The following ANTXR1 variants were observed in gnomAD, a reference collection of about 807,000 sequenced individuals.
ANTXR1 encodes anthrax toxin receptor 1.
ANTXR1 carries 19 observed loss-of-function variants against 78.1 expected under a neutral mutation model. The observed-to-expected ratio is 0.24, with a 90% CI of 0.17 to 0.36. The LOEUF is 0.36. Ranked by LOEUF, ANTXR1 falls within the 10% of genes least tolerant of loss-of-function variation. ANTXR1 has a pLI of 1.00. For missense variants in ANTXR1, 518 were observed against 718.6 expected (o/e 0.72, Z 3.19); for synonymous variants, 273 against 260.5 (o/e 1.05, Z -0.46).
At chr2:69,212,848 GC>G (rs1256004696) in intron 17 of ANTXR1, among the ~76,000 whole-genome samples, 2 of 151,636 alleles carry the variant, frequency 1.3e-5, no homozygotes, top group Non-Finnish European at 2.9e-5. Context: ...TCACTATATT[GC>G]CCAGGCCAGA....
chr2:69,232,353 A>G (rs1392133135), intron 17 of ANTXR1, among the ~76,000 whole-genome samples: 1 of 152,108 alleles, frequency 6.6e-6, no homozygotes, highest in Non-Finnish European at 1.5e-5. Flanking sequence ...AAAAGAGAGA[A>G]CATATAATTT....
At position 69,193,338 on chromosome 2, in the gene ANTXR1, A is replaced by G. The variant is rs1251706316; in HGVS notation, c.1357A>G (p.Lys453Glu). The change falls in exon 17 of 18, where the codon AAA becomes GAA. Residue 453 changes from lysine (K) to glutamate (E), a missense_variant. Transcript: ENST00000303714. The part of the protein sequence containing the change: ...PRKWYSPIKG[K>E]LDALWVLLRK... ...TGGTGCATTTGTTTTATTTCAGGGA[A>G]AACTCGATGCCTTGTGGGTCCTACT... 1 of 1,613,916 alleles carries G rather than the reference A, an allele frequency of 6.2e-7. No homozygotes were observed. Among genetic ancestry groups the G allele is most frequent in the South Asian group, 1.1e-5 (1 of 91,072 alleles).
intron 1 of ANTXR1, among the ~76,000 whole-genome samples, chr2:69,031,269 C>T (rs1248899344): frequency 6.6e-6 from 1 of 152,140 alleles, no homozygotes; most frequent in Non-Finnish European, 1.5e-5. Flanking sequence ...TTTCAAAGGG[C>T]CTGGCCCTTG....
chr2:69,040,163 T>C, intron 2 of ANTXR1, 48 bp downstream of exon 2: 7 of 1,511,316 alleles, frequency 4.6e-6, no homozygotes, highest in Non-Finnish European at 4.6e-6. Context: ...CTGTCATGAG[T>C]CAAACTAGTC....
At chr2:69,044,612 G>A in intron 2 of ANTXR1, 130 bp from the exon 3 acceptor site, 1 of 915,348 alleles carries the variant, frequency 1.1e-6, no homozygotes, top group Non-Finnish European at 1.8e-6. Flanking sequence ...CAGCCTAGGA[G>A]GCCCCCTGTG....
At chr2:69,079,071 G>C (rs1670823840) in intron 8 of ANTXR1, among the ~76,000 whole-genome samples, 1 of 152,032 alleles carries the variant, frequency 6.6e-6, no homozygotes, top group Non-Finnish European at 1.5e-5. Flanking sequence ...TCTTAATTAT[G>C]TTCCAATGAC....
intron 17 of ANTXR1, among the ~76,000 whole-genome samples, chr2:69,212,889 C>T (rs192648107): frequency 2.0e-5 from 3 of 151,818 alleles, no homozygotes; most frequent in Non-Finnish European, 4.4e-5. Flanking sequence ...TCACTGCAGC[C>T]TCAAATTCCT....
chr2:69,203,059 C>T (rs923810393), intron 17 of ANTXR1, among the ~76,000 whole-genome samples: 10 of 138,394 alleles, frequency 7.2e-5, no homozygotes, highest in African/African-American at 1.9e-4. Context: ...ACATGAAAGT[C>T]GTTTTTCTTG....
chr2:69,228,635 T>C (rs529536358), intron 17 of ANTXR1, among the ~76,000 whole-genome samples: 4 of 152,302 alleles, frequency 2.6e-5, no homozygotes, highest in East Asian at 1.9e-4. Context: ...AAGCAGCTAG[T>C]ACCAAGCCTG....
intron 16 of ANTXR1, among the ~76,000 whole-genome samples, chr2:69,184,326 G>C (rs537948635): frequency 6.6e-6 from 1 of 152,306 alleles, no homozygotes; most frequent in Admixed American, 6.5e-5. Flanking sequence ...GGATAAGCCT[G>C]CCCTCTGGGG....
intron 8 of ANTXR1, among the ~76,000 whole-genome samples, chr2:69,088,490 C>T (rs1004616041): frequency 6.6e-6 from 1 of 152,166 alleles, no homozygotes; most frequent in African/African-American, 2.4e-5. Flanking sequence ...TCCCTCTGGG[C>T]TACCTCTATT....
chr2:69,123,743 GA>G (rs1482964943), intron 11 of ANTXR1, among the ~76,000 whole-genome samples: 1 of 152,180 alleles, frequency 6.6e-6, no homozygotes, highest in African/African-American at 2.4e-5. Flanking sequence ...ATCAACAGAA[GA>G]AAGAGAATGG....
chr2:69,183,637 G>A (rs1452349235), intron 16 of ANTXR1, among the ~76,000 whole-genome samples: 15 of 75,068 alleles, frequency 2.0e-4, no homozygotes, highest in African/African-American at 1.2e-3. Flanking sequence ...GGCCTGTCTT[G>A]CACTCCTGAT....
At chr2:69,196,014 G>A (rs1674660468) in intron 17 of ANTXR1, among the ~76,000 whole-genome samples, 1 of 152,190 alleles carries the variant, frequency 6.6e-6, no homozygotes, top group South Asian at 2.1e-4. Flanking sequence ...TCATTAATAA[G>A]ACAGAAGAAT....
chr2:69,224,434 C>T (rs1322208030), intron 17 of ANTXR1, among the ~76,000 whole-genome samples: 2 of 152,194 alleles, frequency 1.3e-5, no homozygotes, highest in African/African-American at 4.8e-5. Context: ...GAATGAAGTA[C>T]CATGTCCTGC....
At chr2:69,112,532 G>C (rs2104347344) in intron 10 of ANTXR1, among the ~76,000 whole-genome samples, 1 of 152,294 alleles carries the variant, frequency 6.6e-6, no homozygotes, top group East Asian at 1.9e-4. Context: ...TCGCAGATCA[G>C]AGAGATGTAA....
rs116307425 is a variant in ANTXR1 at position 69,162,359 on chromosome 2, G to T, written c.1048-7889G>T. 8.7e-3 allele frequency among the ~76,000 whole-genome samples: 1,330 copies of T among 152,318 alleles called. 18 individuals carry two copies. The highest frequency in any genetic ancestry group is 0.03 in the African/African-American group (1,252 of 41,560). On this transcript the variant is annotated intron_variant, in intron 13 of 17. Transcript: ENST00000303714. ...GCCTTGAGTGAAAGATGGGCTATGG[G>T]TTTGATGTGGGTGTGTATGTTTGTG...
In ANTXR1 at chr2:69,102,943, A is replaced by T; in HGVS notation, c.802+3A>T. 1 of 1,614,100 alleles carries T rather than the reference A, an allele frequency of 6.2e-7. No homozygotes were observed. Among genetic ancestry groups the T allele is most frequent in the Non-Finnish European group, 8.5e-7 (1 of 1,179,936 alleles). On this transcript the variant is annotated splice_donor_region_variant and intron_variant, in intron 10 of 17. Coordinates refer to ENST00000303714, the MANE Select transcript of ANTXR1 (RefSeq NM_032208.3). ...GATCAATGACTCGGTCACACTCAGT[A>T]AGTCCTTGCAGAGTCCATGGGTTTC...
chr2:69,134,567 G>A (rs1395298921), intron 12 of ANTXR1, among the ~76,000 whole-genome samples: 1 of 152,174 alleles, frequency 6.6e-6, no homozygotes, highest in Admixed American at 6.5e-5. Context: ...AAAGCTTTCA[G>A]ACTCCTTATG....
Sources: allele counts gnomAD v4.1 joint callset (sites outside exome capture counted in the v4.1 genomes callset), GRCh38; gene constraint gnomAD v4.1.1; transcripts MANE v1.5; gene names NCBI Gene and HGNC (gene_info 2026-07-23, HGNC 2026-07-21).